Variants in SPATA16 observed in about 807,000 individuals in gnomAD.
SPATA16 encodes spermatogenesis-associated protein 16.
SPATA16 carries 36 observed loss-of-function variants against 63.3 expected under a neutral mutation model. That is an observed-to-expected ratio of 0.57 (90% confidence interval 0.44 to 0.75). SPATA16 has a LOEUF of 0.75. Among genes scored for constraint, SPATA16 ranks in the 30% least tolerant of loss-of-function variants. The probability of loss-of-function intolerance (pLI) is 0.00; values close to 1 mark genes in which losing one functional copy is unlikely to be tolerated. For synonymous variants in SPATA16, 203 were observed against 216.7 expected (o/e 0.94, Z 0.56); for missense variants, 646 against 679.3 (o/e 0.95, Z 0.54).
At chr3:173,120,071 G>A (rs1738018290) in intron 1 of SPATA16, among the ~76,000 whole-genome samples, 1 of 146,840 alleles carries the variant, frequency 6.8e-6, no homozygotes, top group Admixed American at 6.8e-5. Flanking sequence ...TAGGCAACAA[G>A]AGCGAAACTC....
intron 2 of SPATA16, among the ~76,000 whole-genome samples, chr3:173,071,551 A>G (rs1451700279): frequency 6.6e-6 from 1 of 152,194 alleles, no homozygotes; most frequent in African/African-American, 2.4e-5. Flanking sequence ...ATATTTGCAG[A>G]CTACCCATCT....
chr3:173,076,287 A>T (rs1475178498), intron 2 of SPATA16, among the ~76,000 whole-genome samples: 1 of 152,176 alleles, frequency 6.6e-6, no homozygotes, highest in Admixed American at 6.5e-5. Flanking sequence ...CTAGAAATTG[A>T]CGTTTGTGAA....
intron 2 of SPATA16, among the ~76,000 whole-genome samples, chr3:173,093,040 AACACAC>A (rs57114377): frequency 0.05 from 7,106 of 142,590 alleles, 457 homozygotes; most frequent in African/African-American, 0.15. Context: ...ATGCACCTAA[AACACAC>A]ACACACACAC....
intron 1 of SPATA16, among the ~76,000 whole-genome samples, chr3:173,122,293 T>C (rs972175221): frequency 6.6e-6 from 1 of 152,226 alleles, no homozygotes; most frequent in Non-Finnish European, 1.5e-5. Flanking sequence ...TTTATGTTTT[T>C]TTCTTCAAGT....
chr3:172,946,254 C>T (rs1412476302), intron 6 of SPATA16, among the ~76,000 whole-genome samples: 2 of 152,194 alleles, frequency 1.3e-5, no homozygotes, highest in Non-Finnish European at 2.9e-5. Context: ...CAGGCCTATA[C>T]TGGATTCAGA....
chr3:173,034,982 G>A (rs998483786), intron 3 of SPATA16, among the ~76,000 whole-genome samples: 2 of 152,048 alleles, frequency 1.3e-5, no homozygotes, highest in Admixed American at 1.3e-4. Context: ...ACTGTATTGA[G>A]TCTCAACCTG....
intron 2 of SPATA16, among the ~76,000 whole-genome samples, chr3:173,082,843 T>C (rs906018918): frequency 2.0e-5 from 3 of 152,180 alleles, no homozygotes; most frequent in Non-Finnish European, 4.4e-5. Flanking sequence ...CCTCGGACTG[T>C]CCAATCATCA....
chr3:172,906,832 C>T (rs1462351587), intron 10 of SPATA16, among the ~76,000 whole-genome samples: 1 of 152,152 alleles, frequency 6.6e-6, no homozygotes, highest in South Asian at 2.1e-4. Context: ...ACCTCCGCTT[C>T]CGGGGTTCAA....
At chr3:172,944,502 T>C (rs1733235186) in intron 6 of SPATA16, among the ~76,000 whole-genome samples, 1 of 152,214 alleles carries the variant, frequency 6.6e-6, no homozygotes, top group Non-Finnish European at 1.5e-5. Flanking sequence ...GCAATTTATA[T>C]GCCAAGAATA....
chr3:172,895,376 C>T (rs1731986423), intron 10 of SPATA16, among the ~76,000 whole-genome samples: 1 of 152,090 alleles, frequency 6.6e-6, no homozygotes, highest in African/African-American at 2.4e-5. Context: ...TGCTGTGTCA[C>T]CCAAGGCGGA....
At chr3:173,058,799 AG>A (rs556896287) in intron 2 of SPATA16, among the ~76,000 whole-genome samples, 158 of 152,200 alleles carry the variant, frequency 1.0e-3, no homozygotes, top group African/African-American at 3.6e-3. Context: ...ATTTATTATA[AG>A]GTTATGTTTT....
chr3:172,985,822 G>A (rs1306776483), intron 4 of SPATA16, among the ~76,000 whole-genome samples: 1 of 152,102 alleles, frequency 6.6e-6, no homozygotes, highest in Non-Finnish European at 1.5e-5. Flanking sequence ...GAAGAAAGGG[G>A]GGAAACGCTA....
intron 4 of SPATA16, among the ~76,000 whole-genome samples, chr3:172,980,892 GT>G (rs1445250827): frequency 1.3e-5 from 2 of 152,092 alleles, no homozygotes; most frequent in Non-Finnish European, 2.9e-5. Context: ...TGAAAAAGCC[GT>G]GTGCATTCTC....
At chr3:173,044,031 C>G (rs1265969669) in intron 3 of SPATA16, among the ~76,000 whole-genome samples, 1 of 152,046 alleles carries the variant, frequency 6.6e-6, no homozygotes, top group Non-Finnish European at 1.5e-5. Context: ...AATATTTTCT[C>G]TTCATCTTGG....
intron 5 of SPATA16, among the ~76,000 whole-genome samples, chr3:172,960,986 TTTC>T (rs1189239846): frequency 3.3e-5 from 5 of 150,212 alleles, no homozygotes; most frequent in African/African-American, 9.8e-5. Context: ...TCTCTTTCTC[TTTC>T]TTTTTTCTTT....
intron 4 of SPATA16, among the ~76,000 whole-genome samples, chr3:172,988,452 C>A (rs1734503048): frequency 6.6e-6 from 1 of 152,120 alleles, no homozygotes; most frequent in East Asian, 1.9e-4. Context: ...AGCTCTGTAC[C>A]TCTAGGCGCC....
intron 1 of SPATA16, among the ~76,000 whole-genome samples, chr3:173,138,602 A>C (rs989863571): frequency 6.6e-6 from 1 of 152,228 alleles, no homozygotes; most frequent in Non-Finnish European, 1.5e-5. Flanking sequence ...CTATGAAAAG[A>C]AATTGAAATC....
intron 6 of SPATA16, among the ~76,000 whole-genome samples, chr3:172,943,001 T>C (rs918063451): frequency 6.6e-6 from 1 of 152,178 alleles, no homozygotes; most frequent in Non-Finnish European, 1.5e-5. Context: ...GAAAGTGTTT[T>C]TCAAAATTTT....
At chr3:172,975,919 T>G (rs73175086) in intron 5 of SPATA16, among the ~76,000 whole-genome samples, 8,484 of 151,654 alleles carry the variant, frequency 0.056, 340 homozygotes, top group Non-Finnish European at 0.079. Flanking sequence ...AGTGAAAATG[T>G]GGGGGGAAAA....
Sources: allele counts gnomAD v4.1 joint callset (sites outside exome capture counted in the v4.1 genomes callset), GRCh38; gene constraint gnomAD v4.1.1; transcripts MANE v1.5; gene names NCBI Gene and HGNC (gene_info 2026-07-23, HGNC 2026-07-21).